The following DSCAML1 variants were observed in gnomAD, a reference collection of about 807,000 sequenced individuals.
The protein encoded by DSCAML1 is DS cell adhesion molecule like 1.
A neutral mutation model predicts 200.5 loss-of-function variants in DSCAML1; 38 were observed. The observed-to-expected ratio is 0.19, with a 90% CI of 0.15 to 0.25. The LOEUF (loss-of-function observed/expected upper bound fraction) is 0.25, where lower values mean the gene tolerates loss of function less well. DSCAML1 is among the 10% of genes least tolerant of loss of function. The pLI, the probability that DSCAML1 is intolerant of heterozygous loss-of-function variation, is 1.00. For synonymous variants in DSCAML1, 1,215 were observed against 1,165.0 expected (o/e 1.04, Z -0.87); for missense variants, 2,223 against 2,858.8 (o/e 0.78, Z 5.07).
At chr11:117,666,621 C>T (rs559939782) in intron 3 of DSCAML1, among the ~76,000 whole-genome samples, 2 of 152,346 alleles carry the variant, frequency 1.3e-5, no homozygotes, top group South Asian at 4.1e-4. Context: ...TTCTGCAGAA[C>T]AGCCTCAGCC....
chr11:117,782,024 C>T (rs764258292), intron 1 of DSCAML1, among the ~76,000 whole-genome samples: 42 of 152,156 alleles, frequency 2.8e-4, no homozygotes, highest in Non-Finnish European at 5.3e-4. Context: ...GAGGAAGAGA[C>T]GGCAGGGTCC....
chr11:117,448,639 G>GT (rs971267592), intron 20 of DSCAML1, among the ~76,000 whole-genome samples: 7 of 81,078 alleles, frequency 8.6e-5, no homozygotes, highest in South Asian at 5.5e-4. Context: ...GTGTGTGTGT[G>GT]GGGGGTGGGT....
intron 3 of DSCAML1, among the ~76,000 whole-genome samples, chr11:117,733,375 G>A (rs935302927): frequency 3.3e-5 from 5 of 152,190 alleles, no homozygotes; most frequent in African/African-American, 1.2e-4. Context: ...CTCAGTGAGT[G>A]GGGGTGAATG....
intron 1 of DSCAML1, among the ~76,000 whole-genome samples, chr11:117,785,782 G>A (rs1430865584): frequency 6.6e-6 from 1 of 152,164 alleles, no homozygotes; most frequent in Non-Finnish European, 1.5e-5. Flanking sequence ...ACCTTCTTGT[G>A]CCAGGCACCA....
In DSCAML1 at chr11:117,525,016, G is replaced by A. The variant is rs150802427; in HGVS notation, c.726C>T (p.Thr242=). The A allele has an allele frequency of 1.8e-4, 281 of 1,604,670 alleles. No individual in the cohort carries two copies. The highest frequency in any genetic ancestry group is 1.1e-3 in the African/African-American group (85 of 74,828). Residue 242 remains threonine, a synonymous_variant, in exon 5 of 33, where the codon ACC becomes ACT. Transcript: ENST00000651296. ...CCGAGGCGGTGCAGGGCAGCTCCAC[G>A]GTGTGGCCGGCCCACACTTCCTGGG... ...FHSQEVWAGH[T]VELPCTASGY...
At chr11:117,772,467 A>G (rs1390198820) in intron 3 of DSCAML1, among the ~76,000 whole-genome samples, 2 of 152,180 alleles carry the variant, frequency 1.3e-5, no homozygotes, top group African/African-American at 2.4e-5. Context: ...ATTTGCATGG[A>G]CAAAGGAGCT....
chr11:117,604,768 C>T (rs866657354), intron 3 of DSCAML1, among the ~76,000 whole-genome samples: 3 of 152,296 alleles, frequency 2.0e-5, no homozygotes, highest in Admixed American at 6.5e-5. Context: ...CCCAGGAGCC[C>T]GGGATGAGGG....
At chr11:117,640,921 A>T (rs769887342) in intron 3 of DSCAML1, among the ~76,000 whole-genome samples, 1 of 152,202 alleles carries the variant, frequency 6.6e-6, no homozygotes, top group South Asian at 2.1e-4. Flanking sequence ...GTGTGTACAT[A>T]TATGTCCATG....
intron 3 of DSCAML1, among the ~76,000 whole-genome samples, chr11:117,749,073 C>G (rs1278659074): frequency 1.3e-5 from 2 of 152,220 alleles, no homozygotes; most frequent in Admixed American, 1.3e-4. Context: ...TTGACTTTCT[C>G]TTGTGCAGGT....
intron 3 of DSCAML1, among the ~76,000 whole-genome samples, chr11:117,593,082 CAA>C (rs1187280389): frequency 1.3e-5 from 2 of 152,260 alleles, no homozygotes; most frequent in African/African-American, 4.8e-5. Context: ...GGGCACTAAA[CAA>C]GAGGCTGTCC....
At chr11:117,430,701 G>T (rs1480155205) in intron 32 of DSCAML1, 21 bp downstream of exon 32, 1 of 1,594,092 alleles carries the variant, frequency 6.3e-7, no homozygotes, top group Admixed American at 1.7e-5. Flanking sequence ...GCACTGCCTG[G>T]GAGGTGGTCT....
At position 117,504,659 on chromosome 11, in the gene DSCAML1, C is replaced by A. The variant is rs952142424; in HGVS notation, c.2182+265G>T. On this transcript the variant is annotated intron_variant, in intron 10 of 32. Transcript: ENST00000651296. This position sits in a 1 kb window ranked among gnomAD's most constrained non-coding sequence, Gnocchi z 5.0. ...AGCAGGCATACACTGAGTTCTGGGG[C>A]GGAGATGGGAGAGGAGAGGTCGCGT... 6.6e-6 allele frequency among the ~76,000 whole-genome samples: 1 copy of A among 151,832 alleles called. No individual in the cohort carries two copies. Among genetic ancestry groups the A allele is most frequent in the Non-Finnish European group, 1.5e-5 (1 of 67,968 alleles).
chr11:117,555,057 T>C (rs1324030671), intron 3 of DSCAML1, among the ~76,000 whole-genome samples: 2 of 152,178 alleles, frequency 1.3e-5, no homozygotes, highest in African/African-American at 2.4e-5. Flanking sequence ...GCCCCCTGCA[T>C]GGCCCCTCTT....
chr11:117,440,251 C>T (rs1355325612), intron 21 of DSCAML1, among the ~76,000 whole-genome samples: 4 of 152,104 alleles, frequency 2.6e-5, no homozygotes, highest in Non-Finnish European at 2.9e-5. Context: ...AAAATTATAA[C>T]GGGGCAAAAT....
At chr11:117,809,461 C>A (rs1288205083) in intron 1 of DSCAML1, among the ~76,000 whole-genome samples, 2 of 152,268 alleles carry the variant, frequency 1.3e-5, no homozygotes, top group African/African-American at 4.8e-5. Flanking sequence ...GGCCTCCGCA[C>A]TGGGAACCTG....
chr11:117,493,565 T>C (rs1272308518), intron 11 of DSCAML1, among the ~76,000 whole-genome samples: 1 of 152,018 alleles, frequency 6.6e-6, no homozygotes, highest in Non-Finnish European at 1.5e-5. Context: ...CTGCCCACCT[T>C]GGCCTCCCAA....
At chr11:117,641,297 G>A (rs2052401541) in intron 3 of DSCAML1, among the ~76,000 whole-genome samples, 1 of 152,244 alleles carries the variant, frequency 6.6e-6, no homozygotes, top group African/African-American at 2.4e-5. Flanking sequence ...AAGGCTGCAG[G>A]CATTGCTGGG....
chr11:117,773,541 A>ACACC (rs137998931), intron 3 of DSCAML1, among the ~76,000 whole-genome samples: 2 of 151,502 alleles, frequency 1.3e-5, no homozygotes, highest in Non-Finnish European at 2.9e-5. Context: ...ACACACACAC[A>ACACC]CACACACACA....
rs1330873303 is a variant in DSCAML1, at chr11:117,455,636, C to CT, written c.3568+3117dup. On this transcript the variant is annotated intron_variant, in intron 19 of 32. Transcript: ENST00000651296. ...ATTTTGTTCTTTTAAATTTATTTTG[C>CT]TTTTTTCTAAATTTCCTGATATTGT... Among the ~76,000 whole-genome samples the CT allele has an allele frequency of 3.9e-5, 6 of 152,156 alleles. No homozygotes were observed. The East Asian group carries it at 7.7e-4, about 19-fold the overall frequency.
Sources: allele counts gnomAD v4.1 joint callset (sites outside exome capture counted in the v4.1 genomes callset), GRCh38; gene constraint gnomAD v4.1.1; non-coding constraint Gnocchi (gnomAD v3.1); transcripts MANE v1.5; gene names NCBI Gene and HGNC (gene_info 2026-07-23, HGNC 2026-07-21).